The following RPH3A variants were observed in gnomAD, a reference collection of about 807,000 sequenced individuals.
RPH3A encodes rabphilin-3A.
In RPH3A, 48 loss-of-function variants were observed where a neutral mutation model predicts 102.2. That is an observed-to-expected ratio of 0.47 (90% confidence interval 0.37 to 0.60). RPH3A has a LOEUF of 0.60. RPH3A is among the 20% of genes least tolerant of loss of function. The probability of loss-of-function intolerance (pLI) is 0.00; values close to 1 mark genes in which losing one functional copy is unlikely to be tolerated. For synonymous variants in RPH3A, 310 were observed against 324.3 expected (o/e 0.96, Z 0.47); for missense variants, 781 against 910.1 (o/e 0.86, Z 1.83).
In RPH3A at chr12:112,784,793, A is replaced by AT. The variant is rs1198198488; in HGVS notation, c.-139-7347dup. On this transcript the variant is annotated intron_variant, in intron 1 of 21. Coordinates refer to the RPH3A transcript ENST00000543106. Reference sequence around the variant, plus strand: ...AGCCTTCAATAAGTGTCAGCTGTTTATTTGTTACAGGCTAGAAACAGATTC... The same window carrying AT: ...AGCCTTCAATAAGTGTCAGCTGTTTATTTTGTTACAGGCTAGAAACAGATTC... 2.0e-5 allele frequency among the ~76,000 whole-genome samples: 3 copies of AT among 152,348 alleles called. No homozygotes were observed. In the East Asian group the frequency reaches 5.8e-4, roughly 29 times the overall value.
intron 1 of RPH3A, chr12:112,651,899 C>A (rs1370012984): frequency 6.6e-6 from 1 of 152,126 alleles, no homozygotes; most frequent in Non-Finnish European, 1.5e-5. Context: ...TTTACGGGTT[C>A]CATGTTTTGT....
At chr12:112,844,554 C>G (rs977516408) in intron 4 of RPH3A, among the ~76,000 whole-genome samples, 1 of 152,182 alleles carries the variant, frequency 6.6e-6, no homozygotes, top group African/African-American at 2.4e-5. Context: ...GCAGAAGACC[C>G]AGTTAAGCCA....
chr12:112,808,918 G>A (rs928907656), intron 2 of RPH3A, among the ~76,000 whole-genome samples: 2 of 152,170 alleles, frequency 1.3e-5, no homozygotes, highest in South Asian at 2.1e-4. Flanking sequence ...GGCCCTGGCT[G>A]TGCATTATAA....
At chr12:112,771,730 A>T (rs1251711201) in intron 1 of RPH3A, among the ~76,000 whole-genome samples, 1 of 152,252 alleles carries the variant, frequency 6.6e-6, no homozygotes, top group Non-Finnish European at 1.5e-5. Context: ...ACAATGTGTT[A>T]TCGCATTTCT....
chr12:112,778,557 C>G (rs189897105), intron 1 of RPH3A, among the ~76,000 whole-genome samples: 1 of 152,132 alleles, frequency 6.6e-6, no homozygotes, highest in Non-Finnish European at 1.5e-5. Flanking sequence ...ACAACAACAA[C>G]AAAAGGCAGG....
chr12:112,761,425 TC>T (rs2040854668), intron 1 of RPH3A, among the ~76,000 whole-genome samples: 1 of 152,132 alleles, frequency 6.6e-6, no homozygotes, highest in Non-Finnish European at 1.5e-5. Context: ...TGTAAAGCAA[TC>T]CCCCTCTTTC....
chr12:112,869,724 C>A (rs1309038451), intron 8 of RPH3A, 35 bp from the exon 9 acceptor site: 1 of 1,612,034 alleles, frequency 6.2e-7, no homozygotes. Context: ...ACCAGAAAAC[C>A]AGTACTCCTC....
chr12:112,682,885 T>A (rs923459263), intron 1 of RPH3A, among the ~76,000 whole-genome samples: 2 of 152,244 alleles, frequency 1.3e-5, no homozygotes, highest in Middle Eastern at 3.2e-3. Context: ...CTTGAAATGC[T>A]GGTCTCCCAC....
intron 5 of RPH3A, among the ~76,000 whole-genome samples, chr12:112,858,266 C>CAAAAAAAAAAAAAAAAA (rs1164602599): frequency 3.1e-4 from 14 of 44,768 alleles, no homozygotes; most frequent in African/African-American, 4.7e-4. Flanking sequence ...GACCCTGTCT[C>CAAAAAAAAAAAAAAAAA]AAAAAAAAAA....
At chr12:112,604,275 C>G (rs1331875164) in intron 1 of RPH3A, among the ~76,000 whole-genome samples, 7 of 152,116 alleles carry the variant, frequency 4.6e-5, no homozygotes, top group Non-Finnish European at 7.4e-5. Context: ...TTACTGGCAA[C>G]CATTTCAAGA....
chr12:112,675,558 G>A lies in RPH3A; in HGVS notation c.-140+100239G>A, dbSNP rs138829534. Among the ~76,000 whole-genome samples, 429 of 152,222 alleles carry A rather than the reference G, an allele frequency of 2.8e-3. 4 individuals carry two copies. The highest frequency in any genetic ancestry group is 0.01 in the African/African-American group (416 of 41,522). ...TCCTTCTCGTAGAAGGCAAAGCCTG[G>A]GTTTAACACAAGTTGGTTTGATTCA... On this transcript the variant is annotated intron_variant, in intron 1 of 21. Coordinates refer to the RPH3A transcript ENST00000543106.
chr12:112,640,149 C>T (rs552856129), intron 1 of RPH3A, among the ~76,000 whole-genome samples: 3 of 150,944 alleles, frequency 2.0e-5, no homozygotes, highest in Non-Finnish European at 4.4e-5. Context: ...GGTGAAACCA[C>T]GTCTCTACTA....
chr12:112,716,944 C>A (rs575751090), intron 1 of RPH3A, among the ~76,000 whole-genome samples: 1 of 152,270 alleles, frequency 6.6e-6, no homozygotes, highest in Admixed American at 6.5e-5. Flanking sequence ...ATTCTTGGAG[C>A]TTTGCCTGGA....
chr12:112,740,070 C>T (rs1351002082), intron 1 of RPH3A, among the ~76,000 whole-genome samples: 5 of 152,144 alleles, frequency 3.3e-5, no homozygotes, highest in South Asian at 4.1e-4. Flanking sequence ...TTCTCTCTGT[C>T]GTAAATACTT....
At chr12:112,633,796 A>T (rs1170886073) in intron 1 of RPH3A, among the ~76,000 whole-genome samples, 3 of 152,168 alleles carry the variant, frequency 2.0e-5, no homozygotes, top group Non-Finnish European at 4.4e-5. Flanking sequence ...TGAAGGTCAG[A>T]ATTTATGAAT....
chr12:112,604,184 A>T (rs1380312629), intron 1 of RPH3A, among the ~76,000 whole-genome samples: 1 of 152,314 alleles, frequency 6.6e-6, no homozygotes, highest in South Asian at 2.1e-4. Flanking sequence ...TGAAGCCTAG[A>T]TCTGTCTGAA....
At chr12:112,666,021 G>T (rs1482405170) in intron 1 of RPH3A, among the ~76,000 whole-genome samples, 1 of 152,184 alleles carries the variant, frequency 6.6e-6, no homozygotes, top group Non-Finnish European at 1.5e-5. Flanking sequence ...AGTGAACTTA[G>T]GGTGAAAAGC....
intron 2 of RPH3A, among the ~76,000 whole-genome samples, chr12:112,818,743 T>C (rs2041723825): frequency 6.6e-6 from 1 of 152,128 alleles, no homozygotes; most frequent in Non-Finnish European, 1.5e-5. Flanking sequence ...GAGGATGTTT[T>C]CCCAAAAGAA....
chr12:112,615,774 A>G (rs1246205570), intron 1 of RPH3A, among the ~76,000 whole-genome samples: 1 of 152,114 alleles, frequency 6.6e-6, no homozygotes, highest in Non-Finnish European at 1.5e-5. Context: ...TGGCTGTCCC[A>G]TTTACTGGTG....
Sources: gnomAD v4.1 joint callset for allele counts (sites outside exome capture counted in the v4.1 genomes callset) on GRCh38, gnomAD v4.1.1 for gene constraint, MANE v1.5 for transcripts, NCBI Gene and HGNC (gene_info 2026-07-23, HGNC 2026-07-21) for gene names.